SCN9A: variants seen among roughly 807,000 people sequenced by gnomAD.
SCN9A encodes sodium voltage-gated channel alpha subunit 9, also known as sodium channel protein type 9 subunit alpha.
Under a neutral mutation model 187.0 loss-of-function variants are expected in SCN9A, and 131 were observed. The ratio of observed to expected loss-of-function variants is 0.70; its 90% CI spans 0.61 to 0.81. SCN9A has a LOEUF of 0.81. SCN9A is among the 30% of genes least tolerant of loss of function. The pLI is 0.00. For missense variants in SCN9A, 2,252 were observed against 2,396.6 expected (o/e 0.94, Z 1.26); for synonymous variants, 809 against 808.6 (o/e 1.00, Z -0.01).
chr2:166,327,330 C>G (rs1699389022), intron 1 of SCN9A, among the ~76,000 whole-genome samples: 1 of 151,904 alleles, frequency 6.6e-6, no homozygotes, highest in South Asian at 2.1e-4. Flanking sequence ...TTTTTTAAAG[C>G]ATTTTTTGTA....
intron 12 of SCN9A, among the ~76,000 whole-genome samples, chr2:166,282,615 T>A (rs1697540958): frequency 6.6e-6 from 1 of 152,058 alleles, no homozygotes; most frequent in Non-Finnish European, 1.5e-5. Context: ...ACTATACAAC[T>A]CTAGATCTAT....
At chr2:166,297,159 T>C (rs759838215) in intron 7 of SCN9A, among the ~76,000 whole-genome samples, 70 of 118,646 alleles carry the variant, frequency 5.9e-4, no homozygotes, top group Non-Finnish European at 9.6e-4. Context: ...ATAGCGACAC[T>C]GCATTCCAGC....
intron 1 of SCN9A, among the ~76,000 whole-genome samples, chr2:166,339,104 A>T (rs1040555226): frequency 3.3e-5 from 5 of 152,160 alleles, no homozygotes; most frequent in Non-Finnish European, 5.9e-5. Flanking sequence ...TCAATCAGTG[A>T]GTAGTTTATC....
In SCN9A at chr2:166,284,515, T is replaced by G. The variant is rs746665802; in HGVS notation, c.1912A>C (p.Met638Leu). 3.2e-5 allele frequency: 51 copies of G among 1,613,962 alleles called. No homozygotes were observed. The Admixed American group carries it at 5.3e-4, about 17-fold the overall frequency. The change falls in exon 12 of 27, where the codon ATG becomes CTG. Residue 638 changes from methionine to leucine, a missense_variant. Physicochemically the swap from Met to Leu is conservative, Grantham distance 15 (BLOSUM62 2). This residue lies in a region of SCN9A where 1,013 missense variants were observed against 997.4 expected (regional missense o/e 1.02). Transcript: ENST00000642356. ...VSLVDGRSAL[M>L]LPNGQLLPEV... is the part of the protein sequence containing the mutation. ...GGCAGAAGCTGTCCATTGGGGAGCATGAGGGCTGAGCGTCCATCAACCAGG... is the reference window on the plus strand; with the variant it reads ...GGCAGAAGCTGTCCATTGGGGAGCAGGAGGGCTGAGCGTCCATCAACCAGG...
At chr2:166,249,863 A>G (rs1190606553) in intron 18 of SCN9A, among the ~76,000 whole-genome samples, 1 of 152,134 alleles carries the variant, frequency 6.6e-6, no homozygotes, top group East Asian at 1.9e-4. Context: ...ATTTTAAGTC[A>G]TGATCATTCA....
chr2:166,273,979 A>C (rs1697116573), intron 16 of SCN9A, among the ~76,000 whole-genome samples: 1 of 152,172 alleles, frequency 6.6e-6, no homozygotes, highest in East Asian at 1.9e-4. Context: ...ATCATAGTGA[A>C]CAATTTTGAT....
chr2:166,339,400 T>C (rs1200150130), intron 1 of SCN9A, among the ~76,000 whole-genome samples: 2 of 152,198 alleles, frequency 1.3e-5, no homozygotes, highest in Admixed American at 1.3e-4. Flanking sequence ...TGGGAATTTC[T>C]AAATTTTTAA....
chr2:166,293,677 C>T (rs1324932680), intron 8 of SCN9A, among the ~76,000 whole-genome samples: 2 of 152,142 alleles, frequency 1.3e-5, no homozygotes, highest in African/African-American at 4.8e-5. Flanking sequence ...TTTAATAAAT[C>T]ATAGCTGCCA....
At chr2:166,208,855 G>A (rs563199027) in intron 24 of SCN9A, among the ~76,000 whole-genome samples, 10 of 152,310 alleles carry the variant, frequency 6.6e-5, no homozygotes, top group African/African-American at 2.4e-4. Context: ...AACTGTGCTG[G>A]TATCCTGTTA....
chr2:166,278,018 C>G (rs1386575970), intron 15 of SCN9A, 122 bp downstream of exon 15: 11 of 665,804 alleles, frequency 1.7e-5, no homozygotes, highest in Non-Finnish European at 2.4e-5. Flanking sequence ...TTTTATTTTA[C>G]TAGATATCAA....
Position 166,355,173 on chromosome 2 carries a change from C to T in SCN9A, c.-51+20524G>A, listed in dbSNP as rs151168288. On this transcript the variant is annotated intron_variant, in intron 1 of 26. Transcript: ENST00000642356. Reference sequence around the variant, plus strand: ...TGCAGTGATATGATCTCGGCTCACTCCATCACTGCAACCTCTGCCTCTTGG... The same window carrying T: ...TGCAGTGATATGATCTCGGCTCACTTCATCACTGCAACCTCTGCCTCTTGG... Among the ~76,000 whole-genome samples, 262 of 151,930 alleles carry T rather than the reference C, an allele frequency of 1.7e-3. 3 individuals are homozygous for T. The East Asian group carries it at 0.025, about 14-fold the overall frequency.
chr2:166,312,199 A>G (rs1292786419), intron 1 of SCN9A, among the ~76,000 whole-genome samples: 1 of 152,174 alleles, frequency 6.6e-6, no homozygotes, highest in Non-Finnish European at 1.5e-5. Context: ...CTGTTTTACC[A>G]ACTAAACTTA....
chr2:166,339,823 G>C (rs181976860), intron 1 of SCN9A, among the ~76,000 whole-genome samples: 1 of 152,240 alleles, frequency 6.6e-6, no homozygotes, highest in East Asian at 1.9e-4. Context: ...GAGAACCTTA[G>C]TGTAGAATAT....
At chr2:166,332,772 T>C (rs992176834) in intron 1 of SCN9A, among the ~76,000 whole-genome samples, 1 of 152,158 alleles carries the variant, frequency 6.6e-6, no homozygotes. Flanking sequence ...TTATATCTTC[T>C]ACACTATTAT....
chr2:166,232,752 TAGAG>T (rs71031232), intron 21 of SCN9A, among the ~76,000 whole-genome samples: 9,827 of 50,648 alleles, frequency 0.19, 358 homozygotes, highest in Non-Finnish European at 0.22. Flanking sequence ...TATATATATA[TAGAG>T]AGAGAGAGAG....
At chr2:166,371,229 G>A (rs1444113937) in intron 1 of SCN9A, among the ~76,000 whole-genome samples, 4 of 152,156 alleles carry the variant, frequency 2.6e-5, no homozygotes, top group African/African-American at 4.8e-5. Context: ...AAAAAGAGAC[G>A]TGGAAAGAAC....
Position 166,199,030 on chromosome 2 carries a change from G to T in SCN9A, c.5609C>A (p.Ala1870Glu), listed in dbSNP as rs1245055041. 1.2e-6 allele frequency: 2 copies of T among 1,614,102 alleles called. No homozygotes were observed. The highest frequency in any genetic ancestry group is 1.7e-5 in the Admixed American group (1 of 60,018). Residue 1870 changes from alanine to glutamate, a missense_variant, in exon 27 of 27, where the codon GCA becomes GAA. Coordinates refer to ENST00000642356, the MANE Select transcript of SCN9A (RefSeq NM_001365536.1). ...RSQMEERFMS[A>E]NPSKVSYEPI... The stretch of plus-strand genomic sequence containing the variant: ...TTCATAGGACACTTTGGAAGGATTT[G>T]CAGACATGAACCTTTCTTCCATCTG...
chr2:166,328,834 C>T (rs1004209180), intron 1 of SCN9A, among the ~76,000 whole-genome samples: 3 of 152,046 alleles, frequency 2.0e-5, no homozygotes, highest in African/African-American at 7.2e-5. Context: ...TTTCTTGAAT[C>T]CCTTACCATT....
At chr2:166,309,832 G>A (rs1363363073) in intron 2 of SCN9A, among the ~76,000 whole-genome samples, 66 of 149,636 alleles carry the variant, frequency 4.4e-4, no homozygotes, top group South Asian at 1.5e-3. Flanking sequence ...GAGGCATCAC[G>A]CTACCTGACT....
Sources: gnomAD v4.1 joint callset for allele counts (sites outside exome capture counted in the v4.1 genomes callset) on GRCh38, gnomAD v4.1.1 for gene constraint, gnomAD v4.1.1 regional missense constraint, MANE v1.5 for transcripts, NCBI Gene and HGNC (gene_info 2026-07-23, HGNC 2026-07-21) for gene names.